Variants in LRRC28 observed in about 807,000 individuals in gnomAD.
LRRC28 encodes leucine-rich repeat-containing protein 28.
A neutral mutation model predicts 45.7 loss-of-function variants in LRRC28; 39 were observed. The observed-to-expected ratio is 0.85, with a 90% CI of 0.66 to 1.12. LRRC28 has a LOEUF of 1.12. LRRC28 is among the 50% of genes most tolerant of loss of function. The probability of loss-of-function intolerance (pLI) is 0.00; values close to 1 mark genes in which losing one functional copy is unlikely to be tolerated. For missense variants in LRRC28, 435 were observed against 438.5 expected (o/e 0.99, Z 0.07); for synonymous variants, 206 against 178.8 (o/e 1.15, Z -1.22).
intron 5 of LRRC28, among the ~76,000 whole-genome samples, chr15:99,329,963 C>T (rs1037192427): frequency 3.9e-5 from 6 of 152,046 alleles, no homozygotes; most frequent in African/African-American, 1.4e-4. Context: ...TTTATGCTTG[C>T]AAAAAATATG....
chr15:99,260,603 T>A (rs904666179), intron 2 of LRRC28, among the ~76,000 whole-genome samples: 3 of 152,254 alleles, frequency 2.0e-5, no homozygotes, highest in African/African-American at 7.2e-5. Flanking sequence ...CATTGCCTGA[T>A]TATATCAGAT....
rs1291908533 is a variant in LRRC28 at position 99,328,682 on chromosome 15, TG to T, written c.386-5239del. ...GGTAGGGAAAATCTGCCCTCATTAC[TG>T]GTGGGCACTATCTAGTAGGCCAGAG... is the stretch of plus-strand genomic sequence containing the variant. On this transcript the variant is annotated intron_variant, in intron 5 of 9. Transcript: ENST00000301981. 2.7e-5 allele frequency among the ~76,000 whole-genome samples: 4 copies of T among 148,532 alleles called. No individual in the cohort carries two copies. The Admixed American group carries it at 2.7e-4, about 10-fold the overall frequency.
chr15:99,312,987 A>G (rs1288027726), intron 5 of LRRC28, among the ~76,000 whole-genome samples: 1 of 152,218 alleles, frequency 6.6e-6, no homozygotes, highest in Non-Finnish European at 1.5e-5. Flanking sequence ...ATCAAAAGGA[A>G]GAGATTTTCC....
At position 99,287,863 on chromosome 15, in the gene LRRC28, C is replaced by A; in HGVS notation, c.297C>A (p.Ala99=). 1 of 1,613,622 alleles carries A rather than the reference C, an allele frequency of 6.2e-7. No individual in the cohort carries two copies. Among genetic ancestry groups the A allele is most frequent in the Non-Finnish European group, 8.5e-7 (1 of 1,179,770 alleles). ...KLQCLDLSDN[A]LEIVCPEIGR... is the part of the protein sequence containing the mutation. ...AATGTCTGGATCTTAGTGACAATGC[C>A]TTAGAAATTGTTTGCCCAGAAATTG... The change falls in exon 5 of 10, where the codon GCC becomes GCA. Residue 99 remains alanine (A), a synonymous_variant. Transcript: ENST00000301981.
chr15:99,257,104 A>G (rs1567598402), intron 2 of LRRC28, among the ~76,000 whole-genome samples: 1 of 152,226 alleles, frequency 6.6e-6, no homozygotes, highest in Non-Finnish European at 1.5e-5. Context: ...TCTATGTACA[A>G]TGCCTATAGT....
At chr15:99,259,492 C>CATT (rs748647610) in intron 2 of LRRC28, 68 of 1,146,144 alleles carry the variant, frequency 5.9e-5, no homozygotes, top group Non-Finnish European at 8.2e-5. Context: ...AAGATAAAGC[C>CATT]ATTAAGGACA....
At chr15:99,340,746 G>T (rs571575634) in intron 6 of LRRC28, among the ~76,000 whole-genome samples, 1 of 152,300 alleles carries the variant, frequency 6.6e-6, no homozygotes, top group South Asian at 2.1e-4. Flanking sequence ...GGTATGAAAG[G>T]TGTGATAGCT....
At chr15:99,309,861 T>C (rs145759153) in intron 5 of LRRC28, among the ~76,000 whole-genome samples, 1 of 152,274 alleles carries the variant, frequency 6.6e-6, no homozygotes, top group African/African-American at 2.4e-5. Context: ...TTTGAAGGCA[T>C]TGGTGAGCTA....
At chr15:99,355,266 A>G (rs2152319536) in intron 7 of LRRC28, 1 of 152,368 alleles carries the variant, frequency 6.6e-6, no homozygotes, top group South Asian at 2.1e-4. Context: ...TTATCTTGAT[A>G]TGCAAAAATA....
chr15:99,316,261 TAATG>T (rs1202274010), intron 5 of LRRC28, among the ~76,000 whole-genome samples: 1 of 152,210 alleles, frequency 6.6e-6, no homozygotes, highest in Non-Finnish European at 1.5e-5. Flanking sequence ...TTATATCTCT[TAATG>T]AAAGTGAATA....
At chr15:99,279,585 T>C (rs1302985828) in intron 3 of LRRC28, among the ~76,000 whole-genome samples, 2 of 152,248 alleles carry the variant, frequency 1.3e-5, no homozygotes, top group Non-Finnish European at 2.9e-5. Flanking sequence ...CCCTTGCTAC[T>C]GCTTTTCTCT....
At chr15:99,328,307 G>A (rs763998066) in intron 5 of LRRC28, among the ~76,000 whole-genome samples, 4 of 152,126 alleles carry the variant, frequency 2.6e-5, no homozygotes, top group Non-Finnish European at 5.9e-5. Flanking sequence ...AGATGAGAAC[G>A]CCTAACATAT....
intron 5 of LRRC28, among the ~76,000 whole-genome samples, chr15:99,328,127 G>A (rs374367208): frequency 5.1e-4 from 77 of 152,254 alleles, no homozygotes; most frequent in African/African-American, 1.8e-3. Context: ...CTAGCATGTG[G>A]TCTGTCCTGG....
At chr15:99,354,277 TACA>T (rs985497397) in intron 7 of LRRC28, among the ~76,000 whole-genome samples, 3 of 152,216 alleles carry the variant, frequency 2.0e-5, no homozygotes, top group African/African-American at 7.2e-5. Context: ...AAATTATACT[TACA>T]ATAATACTTC....
intron 8 of LRRC28, 130 bp downstream of exon 8, chr15:99,361,641 C>A: frequency 1.2e-6 from 1 of 834,142 alleles, no homozygotes; most frequent in Non-Finnish European, 1.8e-6. Flanking sequence ...CGAAAGTAAC[C>A]ATTTTATCCA....
chr15:99,259,289 C>G lies in LRRC28; in HGVS notation c.168+3164C>G. 3.5e-6 allele frequency: 4 copies of G among 1,127,906 alleles called. No individual in the cohort carries two copies. The East Asian group carries it at 9.4e-5, about 26-fold the overall frequency. 69.9% of individuals were successfully genotyped at this position (1,127,906 alleles called of 1,614,324 possible). A position where few individuals can be genotyped will look rare whatever the true frequency, so the allele number is the denominator to read the frequency against. ...ATCTTCTCCATTTGTTTAGCGACTT[C>G]TGAAAAGGGGCTATGAAGTTATTTA... is the stretch of plus-strand genomic sequence containing the variant. On this transcript the variant is annotated intron_variant, in intron 2 of 9. Transcript: ENST00000301981.
In LRRC28 at chr15:99,361,461, A is replaced by G. The variant is rs1957200001; in HGVS notation, c.821A>G (p.Gln274Arg). The G allele has an allele frequency of 6.2e-7, 1 of 1,613,890 alleles. No homozygotes were observed. The highest frequency in any genetic ancestry group is 1.3e-5 in the African/African-American group (1 of 75,034). The change falls in exon 8 of 10, where the codon CAG (glutamine) becomes CGG (arginine). Residue 274 changes from glutamine (Q) to arginine (R), a missense_variant. Coordinates refer to ENST00000301981, the MANE Select transcript of LRRC28 (RefSeq NM_144598.5). ...GTEHDHVLPLQELAMRGLYHT... is the reference protein window; with the variant it reads ...GTEHDHVLPLRELAMRGLYHT... Reference sequence around the variant, plus strand: ...GAGCATGATCACGTCCTCCCTCTGCAGGAATTGGCTATGAGAGGGCTGTAT... The same window carrying G: ...GAGCATGATCACGTCCTCCCTCTGCGGGAATTGGCTATGAGAGGGCTGTAT...
chr15:99,378,881 G>A (rs1003027847), intron 9 of LRRC28, among the ~76,000 whole-genome samples: 1 of 152,132 alleles, frequency 6.6e-6, no homozygotes, highest in Non-Finnish European at 1.5e-5. Flanking sequence ...TGCATCCCAG[G>A]GATGAAGCCC....
intron 5 of LRRC28, among the ~76,000 whole-genome samples, chr15:99,314,924 CAA>C (rs1211945399): frequency 1.3e-5 from 2 of 152,084 alleles, no homozygotes; most frequent in African/African-American, 2.4e-5. Flanking sequence ...TAGCTAAAGA[CAA>C]ATGTAAATCT....
Sources: gnomAD v4.1 joint callset for allele counts (sites outside exome capture counted in the v4.1 genomes callset) on GRCh38, gnomAD v4.1.1 for gene constraint, MANE v1.5 for transcripts, NCBI Gene and HGNC (gene_info 2026-07-23, HGNC 2026-07-21) for gene names.